The following CADM2 variants were observed in gnomAD, a reference collection of about 807,000 sequenced individuals.
CADM2 encodes immunoglobulin superfamily member 4D.
In CADM2, 12 loss-of-function variants were observed where a neutral mutation model predicts 49.8. The observed-to-expected ratio is 0.24, with a 90% CI of 0.15 to 0.39. The LOEUF is 0.39. CADM2 is among the 10% of genes least tolerant of loss of function. The pLI, the probability that CADM2 is intolerant of heterozygous loss-of-function variation, is 1.00. For missense variants in CADM2, 378 were observed against 492.3 expected, an observed-to-expected ratio of 0.77 and a Z score of 2.20; for synonymous variants, 214 against 175.4, an observed-to-expected ratio of 1.22 and a Z score of -1.74.
rs545580313 is a variant in CADM2 at position 85,039,697 on chromosome 3, C to A, written c.61+80029C>A. Among the ~76,000 whole-genome samples, 42 of 152,164 alleles carry A rather than the reference C, an allele frequency of 2.8e-4. 1 individual carries two copies. In the South Asian group the frequency reaches 7.3e-3, roughly 26 times the overall value. ...AAAGGCAAGTAGCAAATAATGAGAC[C>A]AGTAGGAAAGTGTGTTCCATCTGTA... On this transcript the variant is annotated intron_variant, in intron 1 of 9. Transcript: ENST00000383699.
At chr3:85,460,436 A>G (rs1049722383) in intron 1 of CADM2, among the ~76,000 whole-genome samples, 3 of 152,184 alleles carry the variant, frequency 2.0e-5, no homozygotes, top group Admixed American at 6.5e-5. Context: ...AAAGACCTCC[A>G]AAAGCTATTT....
intron 1 of CADM2, among the ~76,000 whole-genome samples, chr3:85,508,376 G>C (rs1688896523): frequency 6.6e-6 from 1 of 152,174 alleles, no homozygotes; most frequent in Non-Finnish European, 1.5e-5. Context: ...TAAATAATGT[G>C]TATTCTGTGA....
At chr3:85,609,949 T>A (rs1351356413) in intron 1 of CADM2, among the ~76,000 whole-genome samples, 1 of 152,110 alleles carries the variant, frequency 6.6e-6, no homozygotes, top group African/African-American at 2.4e-5. Flanking sequence ...GCACTACATT[T>A]TTTTTTAAAC....
chr3:85,153,858 A>G (rs1007880129), intron 1 of CADM2, among the ~76,000 whole-genome samples: 54 of 152,162 alleles, frequency 3.5e-4, no homozygotes, highest in African/African-American at 1.2e-3. Flanking sequence ...TGGTACTCCA[A>G]CAGACCTGCA....
intron 3 of CADM2, among the ~76,000 whole-genome samples, chr3:85,875,674 C>T (rs1253927051): frequency 1.3e-5 from 2 of 152,132 alleles, no homozygotes; most frequent in Non-Finnish European, 1.5e-5. Context: ...ATGAGTCAGT[C>T]CTGTTAGTGA....
At chr3:85,680,429 T>C (rs2066008487) in intron 1 of CADM2, among the ~76,000 whole-genome samples, 1 of 152,130 alleles carries the variant, frequency 6.6e-6, no homozygotes, top group East Asian at 1.9e-4. Flanking sequence ...TATGAACAGC[T>C]ATATATCCCA....
At chr3:85,904,808 C>T (rs2108459132) in intron 5 of CADM2, among the ~76,000 whole-genome samples, 1 of 152,166 alleles carries the variant, frequency 6.6e-6, no homozygotes, top group South Asian at 2.1e-4. Context: ...ATATTCCTTG[C>T]TTTATGTTTA....
chr3:85,739,257 C>T (rs772732772), intron 2 of CADM2, among the ~76,000 whole-genome samples: 9 of 152,026 alleles, frequency 5.9e-5, no homozygotes, highest in Non-Finnish European at 1.2e-4. Context: ...TTCAAAAGTT[C>T]TCTGCAGCCT....
intron 1 of CADM2, among the ~76,000 whole-genome samples, chr3:85,521,934 C>T (rs924430802): frequency 2.0e-5 from 3 of 152,024 alleles, no homozygotes; most frequent in African/African-American, 7.2e-5. Context: ...AAATGAGAGT[C>T]CAGAGCAGTA....
chr3:86,013,944 G>A (rs368206719), intron 8 of CADM2: 1 of 1,573,824 alleles, frequency 6.4e-7, no homozygotes. Flanking sequence ...TATGTGGTTG[G>A]CAAAATCAGT....
chr3:85,387,391 G>C (rs1230642191), intron 1 of CADM2, among the ~76,000 whole-genome samples: 1 of 151,984 alleles, frequency 6.6e-6, no homozygotes, highest in East Asian at 1.9e-4. Flanking sequence ...CCTTCTTTTT[G>C]CTACCTAGAA....
At chr3:85,170,246 G>C (rs1220102081) in intron 1 of CADM2, among the ~76,000 whole-genome samples, 50 of 152,118 alleles carry the variant, frequency 3.3e-4, no homozygotes, top group Admixed American at 3.3e-3. Flanking sequence ...GGCGCCTTTA[G>C]AGTAAGTTGA....
In CADM2 at chr3:86,071,742, C is replaced by A. The variant is rs75150771; in HGVS notation, c.*4959C>A. The A allele has an allele frequency of 6.6e-6, 1 of 151,846 alleles. No individual in the cohort carries two copies. The allele number at this position is 151,846 out of a possible 1,614,324, so 9.4% of individuals were successfully genotyped here. ...GTGTATGAATCTGCATTTGTTTTTCCTTTTCTATCATTAGCTTTTCCTAAA... is the reference window on the plus strand; with the variant it reads ...GTGTATGAATCTGCATTTGTTTTTCATTTTCTATCATTAGCTTTTCCTAAA... On this transcript the variant is annotated 3_prime_UTR_variant, in exon 10 of 10. Coordinates refer to ENST00000383699, the MANE Select transcript of CADM2 (RefSeq NM_001167675.2).
intron 1 of CADM2, among the ~76,000 whole-genome samples, chr3:85,556,881 T>C (rs530191739): frequency 7.9e-5 from 12 of 152,254 alleles, no homozygotes; most frequent in Admixed American, 3.9e-4. Flanking sequence ...TTTTTAGATT[T>C]TGACAATATA....
At chr3:85,597,931 C>G (rs1167550231) in intron 1 of CADM2, among the ~76,000 whole-genome samples, 2 of 151,986 alleles carry the variant, frequency 1.3e-5, no homozygotes, top group East Asian at 1.9e-4. Flanking sequence ...CTGACCAACT[C>G]TAAACATTTA....
At chr3:85,050,848 G>C (rs1006685408) in intron 1 of CADM2, among the ~76,000 whole-genome samples, 2 of 152,106 alleles carry the variant, frequency 1.3e-5, no homozygotes, top group African/African-American at 2.4e-5. Flanking sequence ...CATAATCGCT[G>C]TCTGAAAACA....
chr3:84,971,698 A>G (rs1457031681), intron 1 of CADM2, among the ~76,000 whole-genome samples: 1 of 152,198 alleles, frequency 6.6e-6, no homozygotes, highest in East Asian at 1.9e-4. Flanking sequence ...ATACAACAGC[A>G]TAAGAGTACA....
intron 1 of CADM2, among the ~76,000 whole-genome samples, chr3:85,592,932 C>T (rs2063146951): frequency 1.3e-5 from 2 of 151,984 alleles, no homozygotes; most frequent in South Asian, 4.1e-4. Context: ...TCAATTCCCA[C>T]TTATGATTGA....
chr3:85,647,220 ATATT>A (rs2064914201), intron 1 of CADM2, among the ~76,000 whole-genome samples: 1 of 151,896 alleles, frequency 6.6e-6, no homozygotes, highest in African/African-American at 2.4e-5. Flanking sequence ...AAAACTTGTA[ATATT>A]TATTCAAATT....
Sources: allele counts gnomAD v4.1 joint callset (sites outside exome capture counted in the v4.1 genomes callset), GRCh38; gene constraint gnomAD v4.1.1; transcripts MANE v1.5; gene names NCBI Gene and HGNC (gene_info 2026-07-23, HGNC 2026-07-21).